UBR3: variants seen among roughly 807,000 people sequenced by gnomAD.
UBR3 encodes E3 ubiquitin-protein ligase UBR3.
In UBR3, 85 loss-of-function variants were observed where a neutral mutation model predicts 243.2. That is an observed-to-expected ratio of 0.35 (90% CI 0.29 to 0.42). The LOEUF (loss-of-function observed/expected upper bound fraction) is 0.42, where lower values mean the gene tolerates loss of function less well. UBR3 is among the 10% of genes least tolerant of loss of function. The pLI is 1.00. For missense variants in UBR3, 1,686 were observed against 2,300.8 expected (o/e 0.73, Z 5.47); for synonymous variants, 748 against 799.8 (o/e 0.94, Z 1.09).
At chr2:170,078,688 T>C (rs1238871567) in intron 36 of UBR3, among the ~76,000 whole-genome samples, 3 of 152,210 alleles carry the variant, frequency 2.0e-5, no homozygotes, top group Non-Finnish European at 1.5e-5. Flanking sequence ...GTGAATTCCA[T>C]GGACATCCAC....
intron 31 of UBR3, among the ~76,000 whole-genome samples, chr2:170,029,810 G>T (rs1412059268): frequency 6.6e-6 from 1 of 151,970 alleles, no homozygotes; most frequent in Non-Finnish European, 1.5e-5. Flanking sequence ...TCACCTAATG[G>T]TTTTAAGGAC....
chr2:169,878,611 AT>A lies in UBR3; in HGVS notation c.1038+41del, dbSNP rs572130646. ...AGTTCAAAACTTTTTAAAAAGTACA[AT>A]TTTGTGCTTTTTTATACTTTTTTAT... On this transcript the variant is annotated intron_variant, in intron 5 of 38. Transcript: ENST00000272793. 9.2e-6 allele frequency: 14 copies of A among 1,522,726 alleles called. No homozygotes were observed. In the African/African-American group the frequency reaches 1.9e-4, roughly 21 times the overall value. 94.3% of individuals were successfully genotyped at this position (1,522,726 alleles called of 1,614,324 possible).
chr2:169,852,883 A>AAAAAAAAAAC (rs1491293579), intron 1 of UBR3, among the ~76,000 whole-genome samples: 1 of 59,732 alleles, frequency 1.7e-5, no homozygotes, highest in Non-Finnish European at 5.7e-5. Flanking sequence ...AAAAAACAAA[A>AAAAAAAAAAC]CCAAACAAAT....
At chr2:170,065,906 G>A (rs1005965289) in intron 35 of UBR3, among the ~76,000 whole-genome samples, 15 of 150,318 alleles carry the variant, frequency 1.0e-4, no homozygotes, top group African/African-American at 1.5e-4. Context: ...ATTTTGAGCC[G>A]TGGAAGTGAT....
intron 11 of UBR3, among the ~76,000 whole-genome samples, chr2:169,920,956 A>G (rs980619431): frequency 2.0e-5 from 3 of 152,188 alleles, no homozygotes; most frequent in African/African-American, 7.2e-5. Flanking sequence ...AGTAGGGGTT[A>G]TCACTAAAAT....
intron 8 of UBR3, among the ~76,000 whole-genome samples, chr2:169,902,796 G>T (rs566388666): frequency 2.6e-5 from 4 of 152,222 alleles, no homozygotes; most frequent in African/African-American, 9.6e-5. Context: ...TTTAGTAGAG[G>T]TGGGGGTTTT....
chr2:169,871,662 C>T (rs912777692), intron 1 of UBR3, among the ~76,000 whole-genome samples: 1 of 145,160 alleles, frequency 6.9e-6, no homozygotes, highest in Non-Finnish European at 1.5e-5. Flanking sequence ...GTGGGGGAAT[C>T]GCTTGAACCT....
chr2:170,043,946 C>G (rs759909633), intron 32 of UBR3, among the ~76,000 whole-genome samples: 2 of 152,012 alleles, frequency 1.3e-5, no homozygotes, highest in Non-Finnish European at 2.9e-5. Flanking sequence ...AATTTAGGGT[C>G]AGAGAAAAAA....
At chr2:169,880,832 A>G (rs1480118618) in intron 5 of UBR3, among the ~76,000 whole-genome samples, 1 of 151,910 alleles carries the variant, frequency 6.6e-6, no homozygotes, top group East Asian at 1.9e-4. Context: ...CTCATTATTT[A>G]TCTCCTACTT....
chr2:169,973,885 T>G (rs558216182), intron 24 of UBR3, among the ~76,000 whole-genome samples: 1 of 152,336 alleles, frequency 6.6e-6, no homozygotes, highest in South Asian at 2.1e-4. Context: ...ATACCTAGTT[T>G]GTTGAGGGTT....
intron 36 of UBR3, chr2:170,077,865 C>T (rs1197632399): frequency 5.0e-5 from 18 of 360,056 alleles, no homozygotes; most frequent in African/African-American, 3.5e-4. Context: ...GGATTACAGG[C>T]ATGAGCCACT....
intron 30 of UBR3, among the ~76,000 whole-genome samples, chr2:170,017,750 G>A (rs2090288300): frequency 1.3e-5 from 2 of 152,002 alleles, no homozygotes; most frequent in Non-Finnish European, 2.9e-5. Flanking sequence ...AAAATAAAAG[G>A]TCAGTCCTAA....
In UBR3 at chr2:169,871,828, G is replaced by A. The variant is rs1407988047; in HGVS notation, c.546-408G>A. Among the ~76,000 whole-genome samples, 3 of 149,616 alleles carry A rather than the reference G, an allele frequency of 2.0e-5. No homozygotes were observed. In the Admixed American group the frequency reaches 2.0e-4, roughly 10 times the overall value. On this transcript the variant is annotated intron_variant, in intron 1 of 38. Coordinates refer to ENST00000272793, the MANE Select transcript of UBR3 (RefSeq NM_172070.4). ...CTTTTAAAATAAACTTCAAGGTTTT[G>A]TATCACTTACCTATTCATTAATGCA...
rs945968896 is a variant in UBR3, at chr2:169,875,693, A to G, written c.686-98A>G. The G allele has an allele frequency of 2.7e-6, 3 of 1,097,370 alleles. No homozygotes were observed. In the African/African-American group the frequency reaches 4.8e-5, roughly 18 times the overall value. 68.0% of individuals were successfully genotyped at this position (1,097,370 alleles called of 1,614,324 possible). On this transcript the variant is annotated intron_variant, in intron 2 of 38. Coordinates refer to ENST00000272793, the MANE Select transcript of UBR3 (RefSeq NM_172070.4). The stretch of plus-strand genomic sequence containing the variant: ...TTTTGATTATAAAATACTATAATTT[A>G]AGCCATTATAATTTTAAAAGAATAA...
chr2:169,941,741 G>T (rs2086598365), intron 19 of UBR3, among the ~76,000 whole-genome samples: 2 of 152,150 alleles, frequency 1.3e-5, no homozygotes, highest in South Asian at 4.1e-4. Flanking sequence ...ATATTTTCAG[G>T]CATCTACTGG....
chr2:169,944,972 C>G (rs1244115046), intron 20 of UBR3, among the ~76,000 whole-genome samples: 1 of 152,110 alleles, frequency 6.6e-6, no homozygotes, highest in African/African-American at 2.4e-5. Context: ...GTCTCCCAGC[C>G]TTCAGTCTCC....
intron 22 of UBR3, 97 bp downstream of exon 22, chr2:169,947,812 A>G: frequency 4.8e-6 from 6 of 1,254,248 alleles, no homozygotes; most frequent in Non-Finnish European, 6.0e-6. Flanking sequence ...AGAAAAAAAA[A>G]TGTGGTTGTA....
chr2:169,985,701 C>CATT (rs1483892550), intron 24 of UBR3, among the ~76,000 whole-genome samples: 5 of 151,918 alleles, frequency 3.3e-5, no homozygotes, highest in Admixed American at 3.3e-4. Context: ...TTTTTATTTC[C>CATT]ATTAATACTA....
intron 16 of UBR3, 23 bp downstream of exon 16, chr2:169,926,994 C>A: frequency 6.5e-7 from 1 of 1,539,264 alleles, no homozygotes; most frequent in East Asian, 2.5e-5. Context: ...GATACTAATA[C>A]TTATGCATTA....
Sources: allele counts gnomAD v4.1 joint callset (sites outside exome capture counted in the v4.1 genomes callset), GRCh38; gene constraint gnomAD v4.1.1; transcripts MANE v1.5; gene names NCBI Gene and HGNC (gene_info 2026-07-23, HGNC 2026-07-21).